TACC1: variants seen among roughly 807,000 people sequenced by gnomAD.
The protein encoded by TACC1 is transforming acidic coiled-coil containing protein 1.
In TACC1, 48 loss-of-function variants were observed where a neutral mutation model predicts 84.4. The observed-to-expected ratio is 0.57, with a 90% CI of 0.45 to 0.72. TACC1 has a LOEUF of 0.72. TACC1 is among the 30% of genes least tolerant of loss of function. The pLI is 0.00. For synonymous variants in TACC1, 372 were observed against 376.3 expected, an observed-to-expected ratio of 0.99 and a Z score of 0.13; for missense variants, 920 against 973.0, an observed-to-expected ratio of 0.95 and a Z score of 0.72.
chr8:38,766,994 C>A (rs1263470989), intron 3 of TACC1, among the ~76,000 whole-genome samples: 1 of 152,208 alleles, frequency 6.6e-6, no homozygotes. Context: ...CATCGCCCAG[C>A]CCATTCTGTA....
In TACC1 at chr8:38,850,634, T is replaced by TA. The variant is rs1308387293; in HGVS notation, c.*2616dup. On this transcript the variant is annotated 3_prime_UTR_variant, in exon 13 of 13. Transcript: ENST00000317827. The stretch of plus-strand genomic sequence containing the variant: ...TGGTGAAACCTTGTCTCTACCAAAA[T>TA]AAAAATTAGCTGGGCATGGTGGCAC... The TA allele has an allele frequency of 6.6e-6, 1 of 151,476 alleles. No individual in the cohort carries two copies. The highest frequency in any genetic ancestry group is 1.9e-4 in the East Asian group (1 of 5,144). 9.4% of individuals were successfully genotyped at this position (151,476 alleles called of 1,614,324 possible). A position where few individuals can be genotyped will look rare whatever the true frequency, so the allele number is the denominator to read the frequency against.
chr8:38,786,980 C>T (rs1817294556), upstream of TACC1, among the ~76,000 whole-genome samples: 1 of 151,976 alleles, frequency 6.6e-6, no homozygotes, highest in African/African-American at 2.4e-5. Flanking sequence ...GAAAACGGTC[C>T]TCCTCTGCCC....
At chr8:38,784,381 C>A (rs1207107486), upstream of TACC1, among the ~76,000 whole-genome samples, 1 of 152,070 alleles carries the variant, frequency 6.6e-6, no homozygotes, top group Non-Finnish European at 1.5e-5. Flanking sequence ...GCCTGGCCAA[C>A]ATGATGAAAC....
chr8:38,763,549 G>A (rs115869316), intron 3 of TACC1, among the ~76,000 whole-genome samples: 1,637 of 152,154 alleles, frequency 0.011, 22 homozygotes, highest in African/African-American at 0.037. Context: ...ACCAAATACA[G>A]TATTTACAAT....
chr8:38,811,902 G>A (rs920748877), intron 2 of TACC1, among the ~76,000 whole-genome samples: 1 of 152,164 alleles, frequency 6.6e-6, no homozygotes, highest in Non-Finnish European at 1.5e-5. Flanking sequence ...AAGTAGGAGA[G>A]AGATTGCTGA....
At chr8:38,832,583 A>G (rs1269208913) in intron 6 of TACC1, among the ~76,000 whole-genome samples, 1 of 152,226 alleles carries the variant, frequency 6.6e-6, no homozygotes, top group Non-Finnish European at 1.5e-5. Context: ...TCTGAAGTCC[A>G]TTCTTATGTG....
intron 3 of TACC1, among the ~76,000 whole-genome samples, chr8:38,755,202 T>C (rs1455178151): frequency 6.7e-6 from 1 of 148,476 alleles, no homozygotes; most frequent in Non-Finnish European, 1.5e-5. Context: ...AATGTAAATC[T>C]CCATTATGCG....
At chr8:38,825,258 A>G (rs781178489) in intron 3 of TACC1, 50 bp from the exon 4 acceptor site, 6 of 1,595,820 alleles carry the variant, frequency 3.8e-6, no homozygotes, top group Non-Finnish European at 5.2e-6. Flanking sequence ...TACCTTGACA[A>G]TTGTCAGTGT....
intron 2 of TACC1, among the ~76,000 whole-genome samples, chr8:38,819,318 A>G (rs1826145828): frequency 6.6e-6 from 1 of 152,188 alleles, no homozygotes. Context: ...GCACATACAC[A>G]ACTTGGGATA....
Position 38,827,339 on chromosome 8 carries a change from T to C in TACC1, c.1624T>C (p.Ser542Pro). ...CTTTGAATGTTCCAATGTTCCTGTG[T>C]CTACCATAAATCATGCGTTTTCATC... is the stretch of plus-strand genomic sequence containing the variant. ...EYFECSNVPV[S>P]TINHAFSSSE... The change falls in exon 5 of 13, where the codon TCT (serine) becomes CCT (proline). Residue 542 changes from serine (S) to proline (P), a missense_variant. Physicochemically the swap from Ser to Pro is moderately conservative, Grantham distance 74. This residue lies in a region of TACC1 where 762 missense variants were observed against 747.3 expected (regional missense o/e 1.02). Transcript: ENST00000317827. The C allele has an allele frequency of 6.2e-7, 1 of 1,614,224 alleles. No individual in the cohort carries two copies. Among genetic ancestry groups the C allele is most frequent in the Admixed American group, 1.7e-5 (1 of 60,012 alleles).
At chr8:38,799,314 A>G (rs1430703512) in intron 2 of TACC1, among the ~76,000 whole-genome samples, 3 of 152,190 alleles carry the variant, frequency 2.0e-5, no homozygotes, top group Non-Finnish European at 4.4e-5. Flanking sequence ...AGATGAGGTG[A>G]GGAGGAGTCC....
chr8:38,851,717 T>C lies in TACC1; in HGVS notation c.*3694T>C, dbSNP rs1027749983. 4.4e-5 allele frequency: 14 copies of C among 315,748 alleles called. No individual in the cohort carries two copies. Among genetic ancestry groups the C allele is most frequent in the African/African-American group, 2.0e-4 (9 of 46,096 alleles). 19.6% of individuals were successfully genotyped at this position (315,748 alleles called of 1,614,324 possible). A position where few individuals can be genotyped will look rare whatever the true frequency, so the allele number is the denominator to read the frequency against. On this transcript the variant is annotated 3_prime_UTR_variant, in exon 13 of 13. Transcript: ENST00000317827. ...TGACTTTATCCTGTTGTTAGGAAGA[T>C]AGAAACTAGGTTTTGAAAGATTACA...
At chr8:38,796,876 C>CAA (rs1441096115) in intron 2 of TACC1, among the ~76,000 whole-genome samples, 1 of 152,184 alleles carries the variant, frequency 6.6e-6, no homozygotes, top group Non-Finnish European at 1.5e-5. Flanking sequence ...CAAATTACTC[C>CAA]AAAACTGAAA....
chr8:38,768,990 T>A (rs1202846919), intron 3 of TACC1, among the ~76,000 whole-genome samples: 1 of 148,008 alleles, frequency 6.8e-6, no homozygotes, highest in Non-Finnish European at 1.5e-5. Flanking sequence ...ATATGTGTGG[T>A]GTGTGTGAGA....
intron 2 of TACC1, chr8:38,805,655 GTGCTTGGTTGGTTGGT>G (rs1822512384): frequency 6.6e-6 from 1 of 152,314 alleles, no homozygotes; most frequent in South Asian, 2.1e-4. Context: ...GTAAGGACCT[GTGCTTGGTTGGTTGGT>G]TGCTTGGTTG....
intron 12 of TACC1, among the ~76,000 whole-genome samples, chr8:38,847,124 G>A (rs1832466600): frequency 6.6e-6 from 1 of 152,172 alleles, no homozygotes; most frequent in Admixed American, 6.5e-5. Context: ...TGTTTTTTAT[G>A]CAATATATTA....
rs891105337 is a variant in TACC1 at position 38,787,428 on chromosome 8, C to T, written c.-155C>T. The stretch of plus-strand genomic sequence containing the variant: ...GCTGCCGGCGGGAGGAAGCGCTCCA[C>T]CAGGGCCCCCGACGGCACTCGTTTA... On this transcript the variant is annotated 5_prime_UTR_variant, in exon 1 of 13. Transcript: ENST00000317827. 4.4e-6 allele frequency: 6 copies of T among 1,353,518 alleles called. No individual in the cohort carries two copies. Among genetic ancestry groups the T allele is most frequent in the Non-Finnish European group, 5.7e-6 (6 of 1,059,010 alleles). 83.8% of individuals were successfully genotyped at this position (1,353,518 alleles called of 1,614,324 possible). A position where few individuals can be genotyped will look rare whatever the true frequency, so the allele number is the denominator to read the frequency against.
intron 7 of TACC1, among the ~76,000 whole-genome samples, chr8:38,836,765 T>C (rs1334778573): frequency 6.6e-6 from 1 of 152,204 alleles, no homozygotes; most frequent in Non-Finnish European, 1.5e-5. Context: ...CTGCTAGGCC[T>C]TTCCTGGTTA....
At chr8:38,834,262 C>T (rs542340759) in intron 6 of TACC1, among the ~76,000 whole-genome samples, 21 of 152,332 alleles carry the variant, frequency 1.4e-4, no homozygotes, top group Admixed American at 8.5e-4. Context: ...TCTCGGGTCC[C>T]CACTGGCTAT....
Sources: allele counts gnomAD v4.1 joint callset (sites outside exome capture counted in the v4.1 genomes callset), GRCh38; gene constraint gnomAD v4.1.1; regional missense constraint gnomAD v4.1.1; transcripts MANE v1.5; gene names NCBI Gene and HGNC (gene_info 2026-07-23, HGNC 2026-07-21).